The following JAM3 variants were observed in gnomAD, a reference collection of about 807,000 sequenced individuals.
JAM3 encodes the protein junctional adhesion molecule C.
Under a neutral mutation model 39.4 loss-of-function variants are expected in JAM3, and 31 were observed. That is an observed-to-expected ratio of 0.79 (90% CI 0.59 to 1.06). JAM3 has a LOEUF of 1.06. Among genes scored for constraint, JAM3 ranks in the 50% least tolerant of loss-of-function variants. The pLI is 0.00. For missense variants in JAM3, 455 were observed against 391.4 expected, an observed-to-expected ratio of 1.16 and a Z score of -1.37; for synonymous variants, 182 against 148.7, an observed-to-expected ratio of 1.22 and a Z score of -1.63.
At chr11:134,125,327 C>T (rs1800054561) in intron 1 of JAM3, among the ~76,000 whole-genome samples, 1 of 152,128 alleles carries the variant, frequency 6.6e-6, no homozygotes, top group South Asian at 2.1e-4. Flanking sequence ...TTTTTTAGGT[C>T]GCTTCCCTTG....
At chr11:134,139,633 G>A (rs1356413355) in intron 1 of JAM3, 1 of 576,974 alleles carries the variant, frequency 1.7e-6, no homozygotes, top group African/African-American at 1.9e-5. Flanking sequence ...GGAATTCTTA[G>A]AACTCTTCTC....
chr11:134,084,249 C>T (rs1312279668), intron 1 of JAM3, among the ~76,000 whole-genome samples: 4 of 152,210 alleles, frequency 2.6e-5, no homozygotes, highest in African/African-American at 9.7e-5. Context: ...ATATACCTAT[C>T]TGTAAAGCCT....
intron 1 of JAM3, among the ~76,000 whole-genome samples, chr11:134,136,686 C>T (rs1363433449): frequency 6.6e-6 from 1 of 152,144 alleles, no homozygotes; most frequent in African/African-American, 2.4e-5. Flanking sequence ...GATATACTGC[C>T]TTCTAGGATT....
At chr11:134,075,929 C>T (rs1941561675) in intron 1 of JAM3, among the ~76,000 whole-genome samples, 1 of 152,008 alleles carries the variant, frequency 6.6e-6, no homozygotes, top group African/African-American at 2.4e-5. Context: ...GTCATTTTTT[C>T]ATGTTCTTGT....
chr11:134,147,643 C>T (rs1236577361), intron 6 of JAM3, among the ~76,000 whole-genome samples: 9 of 151,730 alleles, frequency 5.9e-5, no homozygotes, highest in Admixed American at 1.3e-4. Context: ...CCTGCCAACA[C>T]GCTCAGCCAA....
At chr11:134,116,196 A>G (rs1012217486) in intron 1 of JAM3, among the ~76,000 whole-genome samples, 3 of 152,234 alleles carry the variant, frequency 2.0e-5, no homozygotes, top group African/African-American at 7.2e-5. Context: ...ATAATAATTA[A>G]TAAATATTTC....
At chr11:134,085,374 A>T (rs1191232512) in intron 1 of JAM3, among the ~76,000 whole-genome samples, 1 of 152,246 alleles carries the variant, frequency 6.6e-6, no homozygotes, top group Non-Finnish European at 1.5e-5. Context: ...GCAGATTACA[A>T]AATCATGGGC....
At chr11:134,109,192 C>A (rs1490720322) in intron 1 of JAM3, among the ~76,000 whole-genome samples, 1 of 152,122 alleles carries the variant, frequency 6.6e-6, no homozygotes, top group Non-Finnish European at 1.5e-5. Context: ...AAACTCCTGG[C>A]CTCATGTGAT....
chr11:134,137,125 AAAGAAG>A (rs201999084), intron 1 of JAM3, among the ~76,000 whole-genome samples: 7 of 149,992 alleles, frequency 4.7e-5, no homozygotes, highest in African/African-American at 1.5e-4. Flanking sequence ...AAAAAAAAAA[AAAGAAG>A]AAGAAGTATA....
chr11:134,130,035 G>A (rs1942738884), intron 1 of JAM3, among the ~76,000 whole-genome samples: 1 of 152,052 alleles, frequency 6.6e-6, no homozygotes, highest in Non-Finnish European at 1.5e-5. Flanking sequence ...ATTAAAAACG[G>A]CCCCAGATAG....
chr11:134,070,294 C>G lies in JAM3; in HGVS notation c.76+1135C>G, dbSNP rs1053051387. ...CCATCCGCAGGTAACCAGACCAGGA[C>G]CTTTTTCGGTTCTTAGATTATTTTA... On this transcript the variant is annotated intron_variant, in intron 1 of 8. Coordinates refer to ENST00000299106, the MANE Select transcript of JAM3 (RefSeq NM_032801.5). The G allele has an allele frequency of 9.1e-6, 4 of 438,814 alleles. No homozygotes were observed. In the Admixed American group the frequency reaches 1.1e-4, roughly 12 times the overall value. 27.2% of individuals were successfully genotyped at this position (438,814 alleles called of 1,614,324 possible).
intron 1 of JAM3, among the ~76,000 whole-genome samples, chr11:134,089,332 T>G (rs1042326055): frequency 3.3e-5 from 5 of 152,168 alleles, no homozygotes; most frequent in Non-Finnish European, 5.9e-5. Context: ...TTATTATACT[T>G]TAAGTTTTAG....
chr11:134,092,530 C>T lies in JAM3; in HGVS notation c.76+23371C>T, dbSNP rs1278840215. ...CTTCTCCTGAGCCCTCTTTATTCAT[C>T]ATGTTCCACCTTACATCTTATTCAT... On this transcript the variant is annotated intron_variant, in intron 1 of 8. Transcript: ENST00000299106. 1.3e-5 allele frequency among the ~76,000 whole-genome samples: 2 copies of T among 149,766 alleles called. 1 individual carries two copies. Among genetic ancestry groups the T allele is most frequent in the Non-Finnish European group, 3.0e-5 (2 of 67,706 alleles).
At chr11:134,126,015 CCTT>C (rs1591797358) in intron 1 of JAM3, among the ~76,000 whole-genome samples, 1 of 152,148 alleles carries the variant, frequency 6.6e-6, no homozygotes, top group South Asian at 2.1e-4. Context: ...TTTCCTCTGT[CCTT>C]CTCTCTCTGC....
chr11:134,104,961 A>T (rs1942153954), intron 1 of JAM3, among the ~76,000 whole-genome samples: 1 of 152,198 alleles, frequency 6.6e-6, no homozygotes, highest in African/African-American at 2.4e-5. Context: ...TTCTGAAACT[A>T]TTCCAATCAA....
intron 1 of JAM3, among the ~76,000 whole-genome samples, chr11:134,136,985 C>T (rs899059829): frequency 3.9e-5 from 6 of 151,902 alleles, no homozygotes; most frequent in Non-Finnish European, 7.4e-5. Context: ...TGGTGGTGGG[C>T]GCCTGTAGTC....
chr11:134,139,998 G>C, intron 2 of JAM3, 82 bp downstream of exon 2: 1 of 1,074,642 alleles, frequency 9.3e-7, no homozygotes, highest in Non-Finnish European at 1.4e-6. Context: ...GGACACATCT[G>C]TCTCTGTAAG....
chr11:134,146,561 T>C (rs891735975), intron 6 of JAM3, among the ~76,000 whole-genome samples: 5 of 151,722 alleles, frequency 3.3e-5, no homozygotes, highest in South Asian at 4.2e-4. Context: ...CTTTTTTTTT[T>C]CTTAAAAAAC....
intron 1 of JAM3, among the ~76,000 whole-genome samples, chr11:134,134,372 C>G (rs532515693): frequency 1.4e-5 from 1 of 70,294 alleles, no homozygotes; most frequent in African/African-American, 5.7e-5. Flanking sequence ...CCATGAAGCT[C>G]AGAAAACACC....
Sources: gnomAD v4.1 joint callset for allele counts (sites outside exome capture counted in the v4.1 genomes callset) on GRCh38, gnomAD v4.1.1 for gene constraint, MANE v1.5 for transcripts, NCBI Gene and HGNC (gene_info 2026-07-23, HGNC 2026-07-21) for gene names.